PTPRM: variants seen among roughly 807,000 people sequenced by gnomAD.
The protein encoded by PTPRM is receptor-type tyrosine-protein phosphatase mu.
Under a neutral mutation model 186.7 loss-of-function variants are expected in PTPRM, and 47 were observed. The ratio of observed to expected loss-of-function variants is 0.25; its 90% CI spans 0.20 to 0.32. The LOEUF is 0.32. Ranked by LOEUF, PTPRM falls within the 10% of genes least tolerant of loss-of-function variation. The pLI is 1.00. For synonymous variants in PTPRM, 668 were observed against 674.9 expected (o/e 0.99, Z 0.16); for missense variants, 1,494 against 1,865.0 (o/e 0.80, Z 3.66).
intron 2 of PTPRM, among the ~76,000 whole-genome samples, chr18:7,834,960 C>G (rs1041651213): frequency 7.1e-6 from 1 of 140,718 alleles, no homozygotes; most frequent in Non-Finnish European, 1.5e-5. Flanking sequence ...TGTAATGTCT[C>G]CTTTTTCATG....
intron 14 of PTPRM, among the ~76,000 whole-genome samples, chr18:8,217,090 C>A (rs1233250264): frequency 2.0e-5 from 3 of 152,212 alleles, no homozygotes; most frequent in African/African-American, 7.2e-5. Flanking sequence ...ATAATATTTA[C>A]ACATACTTTC....
chr18:8,281,934 G>C (rs1183867803), intron 19 of PTPRM, among the ~76,000 whole-genome samples: 1 of 152,080 alleles, frequency 6.6e-6, no homozygotes, highest in Non-Finnish European at 1.5e-5. Context: ...CTCCATTAAA[G>C]AAGAAAATCA....
rs550025392 is a variant in PTPRM, at chr18:8,400,722, C to T, written c.4345-5387C>T. Among the ~76,000 whole-genome samples the T allele has an allele frequency of 2.6e-5, 4 of 152,368 alleles. 1 individual carries two copies. The South Asian group carries it at 8.3e-4, about 32-fold the overall frequency. On this transcript the variant is annotated intron_variant, in intron 32 of 32. Transcript: ENST00000580170. ...ACAGCCGACCCTCCAGACTCAGCCT[C>T]ACCTCCCCTTTAGTAAGCCAACAAT...
intron 1 of PTPRM, among the ~76,000 whole-genome samples, chr18:7,574,397 G>A (rs1053402346): frequency 6.6e-6 from 1 of 152,116 alleles, no homozygotes; most frequent in Non-Finnish European, 1.5e-5. Flanking sequence ...ATATTTGTTG[G>A]CTTGTTATAA....
Position 8,076,563 on chromosome 18 carries a change from A to G in PTPRM, c.1550A>G (p.Glu517Gly), listed in dbSNP as rs552528537. 2.8e-6 allele frequency: 4 copies of G among 1,439,538 alleles called. No homozygotes were observed. The highest frequency in any genetic ancestry group is 3.9e-6 in the Non-Finnish European group (4 of 1,027,140). The allele number at this position is 1,439,538 out of a possible 1,614,324, so 89.2% of individuals were successfully genotyped here. A position where few individuals can be genotyped will look rare whatever the true frequency, so the allele number is the denominator to read the frequency against. ...ACATATGGTGTAATCACTTTATATGAGGTAATATATATGTTTGTTAGTAAT... is the reference window on the plus strand; with the variant it reads ...ACATATGGTGTAATCACTTTATATGGGGTAATATATATGTTTGTTAGTAAT... Reference protein sequence around the residue: ...TQTYGVITLYEITYKAVSSFD... With the variant: ...TQTYGVITLYGITYKAVSSFD... The change falls in exon 9 of 33, where the codon GAG becomes GGG. Residue 517 changes from glutamate to glycine, a missense_variant and splice_region_variant. By Grantham distance (98) the Glu-to-Gly change is moderately conservative. Around this residue, in one of 3 missense-constraint regions of PTPRM, gnomAD observed 1,107 missense variants for 1,350.2 expected, o/e 0.82. Coordinates refer to ENST00000580170, the MANE Select transcript of PTPRM (RefSeq NM_001105244.2).
At position 8,030,535 on chromosome 18, in the gene PTPRM, T is replaced by C. The variant is rs565940685; in HGVS notation, c.1133-39151T>C. On this transcript the variant is annotated intron_variant, in intron 7 of 32. Coordinates refer to ENST00000580170, the MANE Select transcript of PTPRM (RefSeq NM_001105244.2). ...TGCGTGTTCCGATAGTAATAGCCTG[T>C]GGACCTTGGGCATATTTTGAAGTTC... Among the ~76,000 whole-genome samples, 3 of 152,368 alleles carry C rather than the reference T, an allele frequency of 2.0e-5. No individual in the cohort carries two copies. In the East Asian group the frequency reaches 5.8e-4, roughly 29 times the overall value.
At chr18:7,625,632 C>T (rs1308477554) in intron 1 of PTPRM, among the ~76,000 whole-genome samples, 1 of 152,170 alleles carries the variant, frequency 6.6e-6, no homozygotes, top group Non-Finnish European at 1.5e-5. Flanking sequence ...CCTCACGGGT[C>T]CAAGCGATTC....
intron 1 of PTPRM, among the ~76,000 whole-genome samples, chr18:7,633,810 A>G (rs1259955361): frequency 1.3e-5 from 2 of 152,184 alleles, no homozygotes; most frequent in African/African-American, 4.8e-5. Context: ...ACATTCAGCC[A>G]GTCAGCAGAT....
intron 5 of PTPRM, among the ~76,000 whole-genome samples, chr18:7,939,338 C>T (rs1395064100): frequency 6.6e-6 from 1 of 152,200 alleles, no homozygotes; most frequent in Non-Finnish European, 1.5e-5. Flanking sequence ...GATTAATTTG[C>T]TGCAAGTGCT....
At chr18:8,387,373 C>G (rs1185317454) in intron 31 of PTPRM, 138 bp downstream of exon 31, 2 of 879,510 alleles carry the variant, frequency 2.3e-6, no homozygotes, top group African/African-American at 1.7e-5. Context: ...TCATGACACT[C>G]AGTGAGGGAT....
At chr18:8,177,199 C>A (rs1455069972) in intron 14 of PTPRM, among the ~76,000 whole-genome samples, 1 of 152,204 alleles carries the variant, frequency 6.6e-6, no homozygotes, top group East Asian at 1.9e-4. Flanking sequence ...ACAGTGTACA[C>A]TTTCTCAGCC....
chr18:7,570,816 G>A lies in PTPRM; in HGVS notation c.73+2925G>A, dbSNP rs536167255. On this transcript the variant is annotated intron_variant, in intron 1 of 32. Coordinates refer to ENST00000580170, the MANE Select transcript of PTPRM (RefSeq NM_001105244.2). ...TGTTAATTAACCATTTCTGGAGGTG[G>A]ACTACATGTGATTTGGATACCAGAC... is the stretch of plus-strand genomic sequence containing the variant. Among the ~76,000 whole-genome samples, 17 of 152,228 alleles carry A rather than the reference G, an allele frequency of 1.1e-4. No individual in the cohort carries two copies. In the South Asian group the frequency reaches 3.5e-3, roughly 32 times the overall value.
chr18:8,213,025 G>A (rs2094028659), intron 14 of PTPRM, among the ~76,000 whole-genome samples: 1 of 152,130 alleles, frequency 6.6e-6, no homozygotes, highest in Non-Finnish European at 1.5e-5. Flanking sequence ...TGTATGTTTA[G>A]TCTGGGTTCC....
chr18:7,800,427 G>A (rs968062178), intron 2 of PTPRM, among the ~76,000 whole-genome samples: 3 of 152,208 alleles, frequency 2.0e-5, no homozygotes, highest in African/African-American at 7.2e-5. Context: ...TCTAAAGGGA[G>A]TGGCTGAGGG....
chr18:7,734,657 C>A (rs2040729756), intron 1 of PTPRM, among the ~76,000 whole-genome samples: 1 of 152,074 alleles, frequency 6.6e-6, no homozygotes, highest in East Asian at 1.9e-4. Flanking sequence ...AAGAAGGGAG[C>A]AAATGGCATG....
chr18:8,347,467 A>G (rs1048555688), intron 23 of PTPRM, among the ~76,000 whole-genome samples: 12 of 152,204 alleles, frequency 7.9e-5, no homozygotes, highest in Non-Finnish European at 1.6e-4. Context: ...GCAGCAAAAA[A>G]TAATAATTAC....
intron 11 of PTPRM, among the ~76,000 whole-genome samples, chr18:8,097,053 T>C (rs2091048655): frequency 6.6e-6 from 1 of 152,216 alleles, no homozygotes; most frequent in Admixed American, 6.5e-5. Flanking sequence ...GAAGGAATTA[T>C]GTTTTACATC....
intron 7 of PTPRM, among the ~76,000 whole-genome samples, chr18:8,025,155 T>C (rs2085490526): frequency 6.6e-6 from 1 of 152,182 alleles, no homozygotes; most frequent in African/African-American, 2.4e-5. Flanking sequence ...TTTTTTTAGA[T>C]GAAAGTTTGG....
chr18:8,146,504 T>TTC (rs901284595), intron 14 of PTPRM, among the ~76,000 whole-genome samples: 55 of 151,414 alleles, frequency 3.6e-4, no homozygotes, highest in African/African-American at 1.3e-3. Context: ...TGGGATTGTT[T>TTC]TTTTTTTCTT....
Sources: gnomAD v4.1 joint callset for allele counts (sites outside exome capture counted in the v4.1 genomes callset) on GRCh38, gnomAD v4.1.1 for gene constraint, gnomAD v4.1.1 regional missense constraint, MANE v1.5 for transcripts, NCBI Gene and HGNC (gene_info 2026-07-23, HGNC 2026-07-21) for gene names.